Variants in PTPRS observed in about 807,000 individuals in gnomAD.
The protein encoded by PTPRS is protein tyrosine phosphatase receptor type S, also known as receptor-type tyrosine-protein phosphatase S.
Under a neutral mutation model 215.3 loss-of-function variants are expected in PTPRS, and 63 were observed. The observed-to-expected ratio is 0.29, with a 90% CI of 0.24 to 0.36. PTPRS has a LOEUF of 0.36. Among genes scored for constraint, PTPRS ranks in the 10% least tolerant of loss-of-function variants. The pLI, the probability that PTPRS is intolerant of heterozygous loss-of-function variation, is 1.00. For synonymous variants in PTPRS, 1,404 were observed against 1,191.4 expected (o/e 1.18, Z -3.68); for missense variants, 2,258 against 2,825.8 (o/e 0.80, Z 4.56).
At chr19:5,246,692 C>T (rs1481054689) in intron 9 of PTPRS, among the ~76,000 whole-genome samples, 1 of 152,196 alleles carries the variant, frequency 6.6e-6, no homozygotes, top group African/African-American at 2.4e-5. Flanking sequence ...GTCAGTCCCC[C>T]ACTCCCCAGT....
At chr19:5,225,219 G>C (rs1437982089) in intron 17 of PTPRS, among the ~76,000 whole-genome samples, 1 of 152,118 alleles carries the variant, frequency 6.6e-6, no homozygotes, top group African/African-American at 2.4e-5. Flanking sequence ...TGGTGCAGTA[G>C]GGGAAGACAG....
intron 11 of PTPRS, among the ~76,000 whole-genome samples, chr19:5,242,805 T>C (rs970040282): frequency 6.6e-6 from 1 of 152,152 alleles, no homozygotes; most frequent in African/African-American, 2.4e-5. Context: ...CCAGTGATCC[T>C]CTCATCTCAG....
intron 13 of PTPRS, among the ~76,000 whole-genome samples, chr19:5,233,455 G>C (rs1462927850): frequency 3.3e-5 from 5 of 151,276 alleles, no homozygotes; most frequent in African/African-American, 9.7e-5. Flanking sequence ...CTGTGCCAAG[G>C]GGAATGGCAA....
chr19:5,335,792 G>A (rs1402235557), intron 1 of PTPRS, among the ~76,000 whole-genome samples: 1 of 152,128 alleles, frequency 6.6e-6, no homozygotes, highest in Non-Finnish European at 1.5e-5. Flanking sequence ...CAACCAGGGT[G>A]GGATCCGCGG....
intron 1 of PTPRS, among the ~76,000 whole-genome samples, chr19:5,320,722 G>A (rs779443187): frequency 4.6e-5 from 7 of 151,970 alleles, no homozygotes; most frequent in Admixed American, 3.3e-4. Flanking sequence ...CACCACGTCC[G>A]GCCTGGATTT....
chr19:5,238,133 G>A (rs1375857985), intron 13 of PTPRS, among the ~76,000 whole-genome samples: 2 of 152,320 alleles, frequency 1.3e-5, no homozygotes, highest in East Asian at 3.9e-4. Context: ...GGAAGGCCAC[G>A]CTGGGCTGAG....
At chr19:5,219,529 CT>C in intron 22 of PTPRS, 62 bp from the exon 23 acceptor site, 1 of 1,490,760 alleles carries the variant, frequency 6.7e-7, no homozygotes, top group Non-Finnish European at 8.9e-7. Flanking sequence ...CCAGATGGGT[CT>C]TTCTCAAACA....
At chr19:5,316,919 C>A (rs2049892486) in intron 1 of PTPRS, among the ~76,000 whole-genome samples, 1 of 152,208 alleles carries the variant, frequency 6.6e-6, no homozygotes, top group Non-Finnish European at 1.5e-5. Flanking sequence ...GACCTGGCTT[C>A]TCCCACGGGC....
rs1281712716 is a variant in PTPRS at position 5,222,541 on chromosome 19, C to T, written c.3103+148G>A. The stretch of plus-strand genomic sequence containing the variant: ...AGGCACGTCCCACCTTTGCCAACGC[C>T]GGAGCCTCGGGGTCCGGACTTGCCT... On this transcript the variant is annotated intron_variant, in intron 18 of 37. Coordinates refer to ENST00000262963, the MANE Select transcript of PTPRS (RefSeq NM_002850.4). 30 of 946,472 alleles carry T rather than the reference C, an allele frequency of 3.2e-5. 1 individual carries two copies. Among genetic ancestry groups the T allele is most frequent in the South Asian group, 2.9e-4 (16 of 55,984 alleles). The allele number at this position is 946,472 out of a possible 1,614,324, so 58.6% of individuals were successfully genotyped here.
intron 14 of PTPRS, 112 bp downstream of exon 14, chr19:5,231,198 C>G (rs190943487): frequency 8.4e-7 from 1 of 1,196,248 alleles, no homozygotes; most frequent in Non-Finnish European, 1.1e-6. Context: ...CGACTTCCTC[C>G]GAGTGAGGCT....
chr19:5,214,263 TG>T, intron 30 of PTPRS, 97 bp downstream of exon 30: 1 of 1,534,960 alleles, frequency 6.5e-7, no homozygotes. Context: ...GCTTTCTCTC[TG>T]TCCCATGGGG....
rs747169994 is a variant in PTPRS, at chr19:5,258,007, C to A, written c.706+10G>T. The stretch of plus-strand genomic sequence containing the variant: ...GTCCCTGCCTTTGACCTGGACGCGG[C>A]GTTCCCTACCTCGCACGTAGAGGTT... On this transcript the variant is annotated intron_variant, in intron 8 of 37. Coordinates refer to ENST00000262963, the MANE Select transcript of PTPRS (RefSeq NM_002850.4). The A allele has an allele frequency of 4.3e-6, 7 of 1,610,188 alleles. No individual in the cohort carries two copies. The highest frequency in any genetic ancestry group is 5.9e-6 in the Non-Finnish European group (7 of 1,177,250).
In PTPRS at chr19:5,336,471, G is replaced by A. The variant is rs1303454561; in HGVS notation, c.-95+4193C>T. ...AATTCAGAATGTCACCTGGTGATAA[G>A]ATGACATGCATTTGAGCCTCAATCC... On this transcript the variant is annotated intron_variant, in intron 1 of 37. Transcript: ENST00000262963. Among the ~76,000 whole-genome samples the A allele has an allele frequency of 2.6e-5, 4 of 152,138 alleles. No individual in the cohort carries two copies. In the East Asian group the frequency reaches 7.7e-4, roughly 29 times the overall value.
rs974624077 is a variant in PTPRS, at chr19:5,206,497, A to AC, written c.*276dup. ...ACTCCTATTTGCTCACCATCCCCCC[A>AC]CCCCCCACCCCGGAATCTGGTTTTG... On this transcript the variant is annotated 3_prime_UTR_variant, in exon 38 of 38. Coordinates refer to ENST00000262963, the MANE Select transcript of PTPRS (RefSeq NM_002850.4). 1 of 227,692 alleles carries AC rather than the reference A, an allele frequency of 4.4e-6. No individual in the cohort carries two copies. The highest frequency in any genetic ancestry group is 2.7e-5 in the African/African-American group (1 of 36,592). The allele number at this position is 227,692 out of a possible 1,614,324, so 14.1% of individuals were successfully genotyped here. A position where few individuals can be genotyped will look rare whatever the true frequency, so the allele number is the denominator to read the frequency against.
intron 4 of PTPRS, among the ~76,000 whole-genome samples, chr19:5,271,763 C>T (rs995465550): frequency 2.0e-5 from 3 of 151,874 alleles, no homozygotes; most frequent in African/African-American, 7.3e-5. Context: ...TCGCTCTTGT[C>T]GCCCAGGCTG....
intron 1 of PTPRS, among the ~76,000 whole-genome samples, chr19:5,326,497 G>A (rs374741933): frequency 2.6e-5 from 4 of 152,114 alleles, no homozygotes; most frequent in East Asian, 1.9e-4. Flanking sequence ...TCTCTTTTAC[G>A]TTTTAAAAGA....
At chr19:5,284,444 C>G (rs1302858970) in intron 2 of PTPRS, among the ~76,000 whole-genome samples, 1 of 151,908 alleles carries the variant, frequency 6.6e-6, no homozygotes, top group Non-Finnish European at 1.5e-5. Context: ...GGCACAGTGG[C>G]TCATGCCTGC....
intron 16 of PTPRS, among the ~76,000 whole-genome samples, chr19:5,228,075 C>T (rs976150513): frequency 7.2e-5 from 11 of 151,876 alleles, no homozygotes; most frequent in South Asian, 2.1e-4. Context: ...AGGGTCTCTG[C>T]GAGAAGAGCA....
intron 5 of PTPRS, among the ~76,000 whole-genome samples, chr19:5,263,482 G>T (rs2046172006): frequency 6.6e-6 from 1 of 152,116 alleles, no homozygotes; most frequent in South Asian, 2.1e-4. Context: ...ATTCGGGGAG[G>T]TACTGCTGCA....
Sources: allele counts gnomAD v4.1 joint callset (sites outside exome capture counted in the v4.1 genomes callset), GRCh38; gene constraint gnomAD v4.1.1; transcripts MANE v1.5; gene names NCBI Gene and HGNC (gene_info 2026-07-23, HGNC 2026-07-21).